RIMS2: variants seen among roughly 807,000 people sequenced by gnomAD.
The protein encoded by RIMS2 is regulating synaptic membrane exocytosis protein 2.
A neutral mutation model predicts 174.4 loss-of-function variants in RIMS2; 59 were observed. The observed-to-expected ratio is 0.34, with a 90% confidence interval of 0.27 to 0.42. RIMS2 has a LOEUF of 0.42. RIMS2 is among the 10% of genes least tolerant of loss of function. The pLI, the probability that RIMS2 is intolerant of heterozygous loss-of-function variation, is 1.00. For missense variants in RIMS2, 1,620 were observed against 1,666.3 expected (o/e 0.97, Z 0.48); for synonymous variants, 606 against 572.5 (o/e 1.06, Z -0.84).
At chr8:104,081,327 C>T (rs769118329) in intron 19 of RIMS2, among the ~76,000 whole-genome samples, 26 of 151,984 alleles carry the variant, frequency 1.7e-4, no homozygotes, top group African/African-American at 6.3e-4. Context: ...ATAAAACATG[C>T]TTTTATTCAA....
chr8:103,607,577 A>C (rs2095170862), intron 1 of RIMS2, among the ~76,000 whole-genome samples: 1 of 136,242 alleles, frequency 7.3e-6, no homozygotes, highest in East Asian at 1.9e-4. Flanking sequence ...ATTCTCCTGG[A>C]TAATATCCTG....
At chr8:103,928,683 T>G (rs1374163762) in intron 11 of RIMS2, among the ~76,000 whole-genome samples, 1 of 151,268 alleles carries the variant, frequency 6.6e-6, no homozygotes, top group East Asian at 1.9e-4. Flanking sequence ...CTTGTTAATA[T>G]TATACAATAT....
At chr8:103,619,761 CACT>C (rs1017568534) in intron 1 of RIMS2, among the ~76,000 whole-genome samples, 13 of 152,040 alleles carry the variant, frequency 8.6e-5, no homozygotes, top group Non-Finnish European at 1.9e-4. Flanking sequence ...TCAAAGCTAC[CACT>C]ACTACTGCTT....
rs570995532 is a variant in RIMS2 at position 104,057,033 on chromosome 8, C to T, written c.3334+42418C>T. 4.6e-5 allele frequency among the ~76,000 whole-genome samples: 7 copies of T among 151,888 alleles called. No individual in the cohort carries two copies. The East Asian group carries it at 1.4e-3, about 29-fold the overall frequency. On this transcript the variant is annotated intron_variant, in intron 19 of 23. Transcript: ENST00000504942. ...TAAAACCCTAATCTTCCCCTATGGACCAAGTACATCCTTTTTTCTTTTTCT... is the reference window on the plus strand; with the variant it reads ...TAAAACCCTAATCTTCCCCTATGGATCAAGTACATCCTTTTTTCTTTTTCT...
At chr8:104,230,279 C>CAAA (rs34786751) in intron 19 of RIMS2, among the ~76,000 whole-genome samples, 7 of 111,118 alleles carry the variant, frequency 6.3e-5, no homozygotes, top group African/African-American at 9.3e-5. Context: ...AACTACATCT[C>CAAA]AAAAAAAAAA....
chr8:104,201,134 C>G (rs1171767449), intron 19 of RIMS2, among the ~76,000 whole-genome samples: 1 of 152,048 alleles, frequency 6.6e-6, no homozygotes, highest in Non-Finnish European at 1.5e-5. Context: ...CTCCTCCCAC[C>G]CTCTCCCCTC....
chr8:104,048,596 C>T (rs1212255963), intron 19 of RIMS2, among the ~76,000 whole-genome samples: 1 of 152,074 alleles, frequency 6.6e-6, no homozygotes, highest in Non-Finnish European at 1.5e-5. Flanking sequence ...ATGATATGTT[C>T]ACTAAGCATT....
chr8:104,202,642 C>T (rs2099060789), intron 19 of RIMS2, among the ~76,000 whole-genome samples: 1 of 152,222 alleles, frequency 6.6e-6, no homozygotes. Context: ...TACCTCTTCA[C>T]ATGGCCTTTC....
intron 19 of RIMS2, among the ~76,000 whole-genome samples, chr8:104,024,269 A>C (rs2096193128): frequency 6.6e-6 from 1 of 152,196 alleles, no homozygotes; most frequent in South Asian, 2.1e-4. Context: ...TAGTTTACCA[A>C]GATATCTATC....
At chr8:103,795,982 C>G (rs1592625903) in intron 3 of RIMS2, among the ~76,000 whole-genome samples, 2 of 152,140 alleles carry the variant, frequency 1.3e-5, no homozygotes, top group East Asian at 3.8e-4. Flanking sequence ...CATCTTATTG[C>G]ACCATCAATC....
intron 5 of RIMS2, chr8:103,910,458 CAGATTAAGGACTCTGGGGT>C (rs779188217): frequency 1.3e-6 from 2 of 1,597,626 alleles, no homozygotes; most frequent in African/African-American, 2.7e-5. Flanking sequence ...GTCTGAACCT[CAGATTAAGGACTCTGGGGT>C]AGATACGTGT....
intron 3 of RIMS2, among the ~76,000 whole-genome samples, chr8:103,846,672 G>C (rs1355974024): frequency 6.6e-6 from 1 of 152,128 alleles, no homozygotes; most frequent in Non-Finnish European, 1.5e-5. Flanking sequence ...TGTACCCTTT[G>C]TACCAGTCAG....
At chr8:103,997,776 T>G (rs748569508) in intron 17 of RIMS2, among the ~76,000 whole-genome samples, 3 of 151,682 alleles carry the variant, frequency 2.0e-5, no homozygotes, top group Non-Finnish European at 4.4e-5. Context: ...AGAGAAATAG[T>G]TACCTTTTAA....
intron 3 of RIMS2, among the ~76,000 whole-genome samples, chr8:103,802,078 A>G (rs566317489): frequency 1.3e-5 from 2 of 152,292 alleles, no homozygotes; most frequent in South Asian, 4.1e-4. Flanking sequence ...AAATGGGAGT[A>G]TTTGTTAGCC....
intron 2 of RIMS2, among the ~76,000 whole-genome samples, chr8:103,746,796 T>C (rs972491932): frequency 6.6e-6 from 1 of 152,086 alleles, no homozygotes; most frequent in African/African-American, 2.4e-5. Flanking sequence ...TTCTCCTGCC[T>C]CAGCCTCCTG....
chr8:103,581,287 C>G (rs1361710614), intron 1 of RIMS2, among the ~76,000 whole-genome samples: 1 of 152,124 alleles, frequency 6.6e-6, no homozygotes, highest in Non-Finnish European at 1.5e-5. Flanking sequence ...TCACCATGAT[C>G]AAGTGGGATT....
chr8:103,985,012 A>G (rs1005089676), intron 16 of RIMS2, among the ~76,000 whole-genome samples: 3 of 152,160 alleles, frequency 2.0e-5, no homozygotes, highest in African/African-American at 7.2e-5. Flanking sequence ...GGAGATGGAG[A>G]CTAGTAGGAT....
intron 19 of RIMS2, among the ~76,000 whole-genome samples, chr8:104,138,481 T>A (rs2098540115): frequency 6.6e-6 from 1 of 152,160 alleles, no homozygotes; most frequent in Non-Finnish European, 1.5e-5. Context: ...CAGGGTGAAA[T>A]GATATTTCAT....
chr8:103,758,198 T>G (rs565822682), intron 2 of RIMS2, among the ~76,000 whole-genome samples: 1 of 152,158 alleles, frequency 6.6e-6, no homozygotes, highest in Admixed American at 6.5e-5. Flanking sequence ...TCCTCTTTCC[T>G]CTGAACTTAC....
Sources: gnomAD v4.1 joint callset for allele counts (sites outside exome capture counted in the v4.1 genomes callset) on GRCh38, gnomAD v4.1.1 for gene constraint, MANE v1.5 for transcripts, NCBI Gene and HGNC (gene_info 2026-07-23, HGNC 2026-07-21) for gene names.